DLG2: variants seen among roughly 807,000 people sequenced by gnomAD.
DLG2 encodes disks large homolog 2.
Under a neutral mutation model 132.5 loss-of-function variants are expected in DLG2, and 45 were observed. That is an observed-to-expected ratio of 0.34 (90% CI 0.27 to 0.44). The LOEUF (loss-of-function observed/expected upper bound fraction) is 0.44. Among genes scored for constraint, DLG2 ranks in the 20% least tolerant of loss-of-function variants. DLG2 has a pLI of 1.00. For missense variants in DLG2, 1,045 were observed against 1,196.9 expected (o/e 0.87, Z 1.87); for synonymous variants, 424 against 419.6 (o/e 1.01, Z -0.13).
chr11:83,981,725 C>T (rs982614616), intron 11 of DLG2, among the ~76,000 whole-genome samples: 1 of 152,192 alleles, frequency 6.6e-6, no homozygotes, highest in Non-Finnish European at 1.5e-5. Context: ...GCATGAGCCA[C>T]CACGTCCTGC....
At chr11:84,193,259 T>C (rs2096450731) in intron 8 of DLG2, among the ~76,000 whole-genome samples, 1 of 152,186 alleles carries the variant, frequency 6.6e-6, no homozygotes, top group African/African-American at 2.4e-5. Flanking sequence ...TGGATCTAGA[T>C]AGTGATTCAG....
intron 3 of DLG2, among the ~76,000 whole-genome samples, chr11:85,414,365 C>G (rs557599324): frequency 1.3e-5 from 2 of 151,986 alleles, no homozygotes; most frequent in Non-Finnish European, 2.9e-5. Context: ...TTGACTTCCT[C>G]TTTACTGATC....
rs112021817 is a variant in DLG2 at position 83,587,306 on chromosome 11, T to C, written c.1941-45448A>G. 2.5e-3 allele frequency among the ~76,000 whole-genome samples: 383 copies of C among 152,236 alleles called. 3 individuals carry two copies. Among genetic ancestry groups the C allele is most frequent in the African/African-American group, 8.8e-3 (365 of 41,530 alleles). ...TTTAATTTGAGACAGGGTCTTGCTC[T>C]GTCACACAGGCTAGAGTACAATGGT... is the stretch of plus-strand genomic sequence containing the variant. On this transcript the variant is annotated intron_variant, in intron 19 of 27. Coordinates refer to ENST00000376104, the MANE Select transcript of DLG2 (RefSeq NM_001142699.3).
intron 7 of DLG2, among the ~76,000 whole-genome samples, chr11:84,293,939 C>T (rs1017249194): frequency 6.6e-6 from 1 of 152,210 alleles, no homozygotes; most frequent in African/African-American, 2.4e-5. Flanking sequence ...ACATGAACCT[C>T]CTGTCTAACG....
chr11:84,481,564 G>T (rs11827533), intron 7 of DLG2, among the ~76,000 whole-genome samples: 1 of 152,136 alleles, frequency 6.6e-6, no homozygotes, highest in African/African-American at 2.4e-5. Context: ...CCAGTGGATG[G>T]TAGTCAACAT....
chr11:84,527,158 G>A (rs2099323729), intron 7 of DLG2, among the ~76,000 whole-genome samples: 1 of 152,152 alleles, frequency 6.6e-6, no homozygotes, highest in Admixed American at 6.5e-5. Flanking sequence ...TAGAACAATA[G>A]AATAAGGCAT....
chr11:83,850,123 A>AGTGTGTGT lies in DLG2; in HGVS notation c.1566-16361_1566-16354dup, dbSNP rs544279195. ...TCATTCATCCGTAACATTTGGGGTA[A>AGTGTGTGT]GTGTGTGTGTGTGTGTGTGTGTGTG... is the stretch of plus-strand genomic sequence containing the variant. On this transcript the variant is annotated intron_variant, in intron 16 of 27. Coordinates refer to ENST00000376104, the MANE Select transcript of DLG2 (RefSeq NM_001142699.3). Among the ~76,000 whole-genome samples the AGTGTGTGT allele has an allele frequency of 7.9e-3, 310 of 39,106 alleles. 3 individuals carry two copies. Among genetic ancestry groups the AGTGTGTGT allele is most frequent in the African/African-American group, 0.015 (141 of 9,352 alleles). 25.7% of individuals were successfully genotyped at this position (39,106 alleles called of 152,430 possible). A position where few individuals can be genotyped will look rare whatever the true frequency, so the allele number is the denominator to read the frequency against.
At chr11:85,100,070 T>G (rs1331542950) in intron 6 of DLG2, among the ~76,000 whole-genome samples, 1 of 152,100 alleles carries the variant, frequency 6.6e-6, no homozygotes, top group Non-Finnish European at 1.5e-5. Flanking sequence ...GAAATCACCA[T>G]CAGAAAAAAA....
At position 85,548,928 on chromosome 11, in the gene DLG2, C is replaced by T. The variant is rs1037266001; in HGVS notation, c.40+49729G>A. 1.1e-4 allele frequency among the ~76,000 whole-genome samples: 17 copies of T among 152,164 alleles called. 1 individual carries two copies. The highest frequency in any genetic ancestry group is 3.6e-4 in the African/African-American group (15 of 41,510). On this transcript the variant is annotated intron_variant, in intron 3 of 27. Transcript: ENST00000376104. ...CAGTGGATCTTAGCTTGCTGGGCTC[C>T]GTGGGGGTGGGACTGCCAAGCCAAA...
At chr11:84,370,893 T>C (rs1386294896) in intron 7 of DLG2, among the ~76,000 whole-genome samples, 6 of 152,132 alleles carry the variant, frequency 3.9e-5, no homozygotes, top group Admixed American at 1.3e-4. Context: ...TAATCGTACA[T>C]GTGTGGGCAG....
At chr11:85,550,731 T>C (rs956251748) in intron 3 of DLG2, among the ~76,000 whole-genome samples, 3 of 152,274 alleles carry the variant, frequency 2.0e-5, no homozygotes, top group African/African-American at 7.2e-5. Context: ...CGGCATATTC[T>C]ACCCCTGCTA....
chr11:83,781,304 G>A (rs2153868965), intron 18 of DLG2, among the ~76,000 whole-genome samples: 1 of 152,066 alleles, frequency 6.6e-6, no homozygotes, highest in South Asian at 2.1e-4. Flanking sequence ...ACATTTATTT[G>A]AGAGGGGCTT....
chr11:84,307,704 A>AAAAAAAAAAAAAAAAAAAAAAAC (rs2098238359), intron 7 of DLG2, among the ~76,000 whole-genome samples: 1 of 111,628 alleles, frequency 9.0e-6, no homozygotes, highest in Non-Finnish European at 2.1e-5. Flanking sequence ...TCAAAAAAAA[A>AAAAAAAAAAAAAAAAAAAAAAAC]AAAAAAAAAA....
At chr11:85,498,694 C>T (rs1308181592) in intron 3 of DLG2, among the ~76,000 whole-genome samples, 1 of 151,226 alleles carries the variant, frequency 6.6e-6, no homozygotes, top group Non-Finnish European at 1.5e-5. Flanking sequence ...AAACACTCCT[C>T]AGGAATGTAA....
chr11:83,885,101 G>A (rs1192079608), intron 15 of DLG2, among the ~76,000 whole-genome samples: 2 of 152,252 alleles, frequency 1.3e-5, no homozygotes, highest in African/African-American at 4.8e-5. Context: ...GACAGAGAAT[G>A]ACTTTGACAA....
At chr11:84,911,383 A>G (rs1365354523) in intron 6 of DLG2, among the ~76,000 whole-genome samples, 1 of 151,860 alleles carries the variant, frequency 6.6e-6, no homozygotes, top group Admixed American at 6.5e-5. Flanking sequence ...ACTTAATTAT[A>G]TCCCATTAAA....
At chr11:84,998,739 TA>T (rs1388277789) in intron 6 of DLG2, among the ~76,000 whole-genome samples, 1 of 151,896 alleles carries the variant, frequency 6.6e-6, no homozygotes, top group Non-Finnish European at 1.5e-5. Context: ...CCCAAGACCA[TA>T]AGCGGATTTT....
chr11:83,738,773 C>G (rs1367847836), intron 18 of DLG2, among the ~76,000 whole-genome samples: 1 of 152,202 alleles, frequency 6.6e-6, no homozygotes, highest in African/African-American at 2.4e-5. Flanking sequence ...TATTCACCAG[C>G]TCCTCTCCCA....
chr11:84,391,895 A>C (rs1288172356), intron 7 of DLG2, among the ~76,000 whole-genome samples: 3 of 152,034 alleles, frequency 2.0e-5, no homozygotes, highest in Non-Finnish European at 4.4e-5. Flanking sequence ...GTACAAAGAG[A>C]ACCATAAGTG....
Sources: gnomAD v4.1 joint callset for allele counts (sites outside exome capture counted in the v4.1 genomes callset) on GRCh38, gnomAD v4.1.1 for gene constraint, MANE v1.5 for transcripts, NCBI Gene and HGNC (gene_info 2026-07-23, HGNC 2026-07-21) for gene names.